Variants in YAP1 observed in about 807,000 individuals in gnomAD.
YAP1 encodes Yes1 associated transcriptional regulator.
YAP1 carries 5 observed loss-of-function variants against 56.9 expected under a neutral mutation model. The ratio of observed to expected loss-of-function variants is 0.09; its 90% CI spans 0.05 to 0.18. YAP1 has a LOEUF of 0.18. YAP1 is among the 10% of genes least tolerant of loss of function. YAP1 has a pLI of 1.00. For synonymous variants in YAP1, 265 were observed against 248.1 expected (o/e 1.07, Z -0.64); for missense variants, 539 against 651.8 (o/e 0.83, Z 1.88).
At chr11:102,227,159 T>A (rs1950233982) in intron 7 of YAP1, 1 of 259,254 alleles carries the variant, frequency 3.9e-6, no homozygotes, top group South Asian at 6.8e-5. Context: ...GCAGAGAATT[T>A]TCTGTCAGCC....
intron 2 of YAP1, among the ~76,000 whole-genome samples, chr11:102,126,426 G>A (rs918080415): frequency 8.5e-5 from 13 of 152,220 alleles, no homozygotes; most frequent in East Asian, 1.9e-4. Context: ...TTTCTTTCCC[G>A]TGCTATTCTC....
At chr11:102,190,953 G>T (rs1007557311) in intron 4 of YAP1, among the ~76,000 whole-genome samples, 1 of 151,394 alleles carries the variant, frequency 6.6e-6, no homozygotes, top group Non-Finnish European at 1.5e-5. Flanking sequence ...GAGGCTGATG[G>T]ATCATGAGGT....
chr11:102,159,188 T>C (rs188568278), intron 2 of YAP1, among the ~76,000 whole-genome samples: 33 of 152,294 alleles, frequency 2.2e-4, no homozygotes, highest in Admixed American at 1.3e-3. Context: ...TCTGTTTGTT[T>C]GTTTGTGTTT....
rs749962892 is a variant in YAP1 at position 102,229,902 on chromosome 11, A to G, written c.1477A>G (p.Thr493Ala). ...LNDMESVLAA[T>A]KLDKESFLTW... ...TGACATGGAGTCTGTTTTGGCTGCC[A>G]CCAAGCTAGATAAAGAAAGCTTTCT... The change falls in exon 9 of 9, where the codon ACC becomes GCC. Residue 493 changes from threonine to alanine, a missense_variant. Thr to Ala is a moderately conservative substitution (Grantham distance 58). Transcript: ENST00000282441. 6 of 1,614,160 alleles carry G rather than the reference A, an allele frequency of 3.7e-6. No homozygotes were observed. The South Asian group carries it at 6.6e-5, about 18-fold the overall frequency.
intron 2 of YAP1, among the ~76,000 whole-genome samples, chr11:102,157,190 C>T (rs148866644): frequency 1.3e-5 from 2 of 152,264 alleles, no homozygotes; most frequent in Non-Finnish European, 2.9e-5. Flanking sequence ...AAAATGTTTA[C>T]GTCTTCTCAT....
chr11:102,128,719 C>CT (rs752568551), intron 2 of YAP1, among the ~76,000 whole-genome samples: 166 of 152,304 alleles, frequency 1.1e-3, no homozygotes, highest in Non-Finnish European at 1.9e-3. Context: ...AATGGACAGT[C>CT]TAAGAATTTT....
intron 3 of YAP1, among the ~76,000 whole-genome samples, 193 bp downstream of exon 3, chr11:102,162,764 C>T (rs929651389): frequency 2.0e-5 from 3 of 152,092 alleles, no homozygotes; most frequent in Middle Eastern, 3.2e-3. Context: ...TAGTTGTTAA[C>T]GCATAAGGGG....
intron 2 of YAP1, among the ~76,000 whole-genome samples, chr11:102,119,677 A>G (rs1045682077): frequency 6.6e-6 from 1 of 151,964 alleles, no homozygotes; most frequent in Non-Finnish European, 1.5e-5. Flanking sequence ...CAACCCTAAA[A>G]TAAGTCCTCT....
intron 6 of YAP1, among the ~76,000 whole-genome samples, chr11:102,219,825 G>A (rs1410219738): frequency 2.6e-5 from 4 of 151,752 alleles, no homozygotes; most frequent in Admixed American, 1.3e-4. Context: ...GTGCAGTGGC[G>A]CAATCTCAGC....
chr11:102,143,039 A>G (rs1288003353), intron 2 of YAP1, among the ~76,000 whole-genome samples: 1 of 152,198 alleles, frequency 6.6e-6, no homozygotes, highest in Non-Finnish European at 1.5e-5. Flanking sequence ...GAGATTAAGT[A>G]ACTTAAACAG....
At chr11:102,134,739 C>T (rs1944573207) in intron 2 of YAP1, among the ~76,000 whole-genome samples, 1 of 152,050 alleles carries the variant, frequency 6.6e-6, no homozygotes, top group South Asian at 2.1e-4. Context: ...GATAGGGTCT[C>T]ACTCTGTTGC....
chr11:102,119,642 GA>G (rs60814352), intron 2 of YAP1, among the ~76,000 whole-genome samples: 1,611 of 142,518 alleles, frequency 0.011, 28 homozygotes, highest in African/African-American at 0.034. Context: ...TTGAAACTTG[GA>G]AAAAAAAAAA....
chr11:102,168,207 C>T (rs2135425370), intron 3 of YAP1, among the ~76,000 whole-genome samples: 1 of 152,206 alleles, frequency 6.6e-6, no homozygotes, highest in East Asian at 1.9e-4. Flanking sequence ...AGTGATACTT[C>T]CTTAGCTCTA....
At chr11:102,213,843 C>G (rs11225165) in intron 6 of YAP1, among the ~76,000 whole-genome samples, 2 of 151,992 alleles carry the variant, frequency 1.3e-5, no homozygotes, top group South Asian at 2.1e-4. Context: ...TTTGAGAGGC[C>G]GAGGCAGGCA....
intron 5 of YAP1, among the ~76,000 whole-genome samples, chr11:102,208,007 A>AT (rs1351085355): frequency 6.6e-6 from 1 of 152,186 alleles, no homozygotes; most frequent in Non-Finnish European, 1.5e-5. Flanking sequence ...AAGGAATACA[A>AT]TTGCCTTTGA....
intron 2 of YAP1, among the ~76,000 whole-genome samples, chr11:102,143,794 T>C (rs1371058261): frequency 6.6e-6 from 1 of 152,250 alleles, no homozygotes; most frequent in Non-Finnish European, 1.5e-5. Context: ...ATTTCATTTA[T>C]GCTTGTGTTG....
intron 2 of YAP1, among the ~76,000 whole-genome samples, chr11:102,133,867 A>G (rs942781399): frequency 6.6e-6 from 1 of 152,116 alleles, no homozygotes; most frequent in East Asian, 1.9e-4. Flanking sequence ...GGCATGGTAG[A>G]TTTCATCCTG....
In YAP1 at chr11:102,230,999, T is replaced by G. The variant is rs1282356913; in HGVS notation, c.*1059T>G. 6.6e-6 allele frequency: 1 copy of G among 152,200 alleles called. No homozygotes were observed. Among genetic ancestry groups the G allele is most frequent in the Non-Finnish European group, 1.5e-5 (1 of 68,030 alleles). The allele number at this position is 152,200 out of a possible 1,614,324, so 9.4% of individuals were successfully genotyped here. A position where few individuals can be genotyped will look rare whatever the true frequency, so the allele number is the denominator to read the frequency against. On this transcript the variant is annotated 3_prime_UTR_variant, in exon 9 of 9. Coordinates refer to ENST00000282441, the MANE Select transcript of YAP1 (RefSeq NM_001130145.3). ...TGCATTTAGAATACATGACTAGTAG[T>G]TTATATTTCACTGGTAGTTTAAATC...
At chr11:102,126,807 A>C (rs189201269) in intron 2 of YAP1, among the ~76,000 whole-genome samples, 136 of 152,314 alleles carry the variant, frequency 8.9e-4, no homozygotes, top group African/African-American at 3.0e-3. Context: ...CTTCCTAGAG[A>C]CTTCTTGAAT....
Sources: gnomAD v4.1 joint callset for allele counts (sites outside exome capture counted in the v4.1 genomes callset) on GRCh38, gnomAD v4.1.1 for gene constraint, MANE v1.5 for transcripts, NCBI Gene and HGNC (gene_info 2026-07-23, HGNC 2026-07-21) for gene names.